The following CDHR3 variants were observed in gnomAD, a reference collection of about 807,000 sequenced individuals.
The protein encoded by CDHR3 is cadherin-related family member 3.
Under a neutral mutation model 86.6 loss-of-function variants are expected in CDHR3, and 79 were observed. The observed-to-expected ratio is 0.91, with a 90% CI of 0.76 to 1.10. The LOEUF (loss-of-function observed/expected upper bound fraction) is 1.10. Among genes scored for constraint, CDHR3 ranks in the 50% least tolerant of loss-of-function variants. The pLI is 0.00. For synonymous variants in CDHR3, 421 were observed against 402.4 expected, an observed-to-expected ratio of 1.05 and a Z score of -0.55; for missense variants, 1,081 against 1,077.6, an observed-to-expected ratio of 1.00 and a Z score of -0.04.
At chr7:105,975,904 A>T (rs1828730357) in intron 2 of CDHR3, among the ~76,000 whole-genome samples, 1 of 152,142 alleles carries the variant, frequency 6.6e-6, no homozygotes. Flanking sequence ...TCTTAAACTC[A>T]GCTTATCATT....
At chr7:105,977,672 G>C (rs568525604) in intron 2 of CDHR3, among the ~76,000 whole-genome samples, 4 of 152,314 alleles carry the variant, frequency 2.6e-5, no homozygotes, top group African/African-American at 9.6e-5. Context: ...TTGCTCACAA[G>C]AGTTACTCCT....
At position 106,030,468 on chromosome 7, in the gene CDHR3, T is replaced by A. The variant is rs898008443; in HGVS notation, c.2305-324T>A. On this transcript the variant is annotated intron_variant, in intron 17 of 18. Transcript: ENST00000317716. This position sits in a 1 kb window ranked among gnomAD's most constrained non-coding sequence, Gnocchi z 4.8. Reference sequence around the variant, plus strand: ...TCTTCCTTCTACGCTCAGATTTTATTTACTCAGGATGCTTCCTTAACCCCC... The same window carrying A: ...TCTTCCTTCTACGCTCAGATTTTATATACTCAGGATGCTTCCTTAACCCCC... Among the ~76,000 whole-genome samples, 3 of 152,198 alleles carry A rather than the reference T, an allele frequency of 2.0e-5. 1 individual carries two copies. In the South Asian group the frequency reaches 6.2e-4, roughly 31 times the overall value.
intron 1 of CDHR3, among the ~76,000 whole-genome samples, 196 bp from the exon 2 acceptor site, chr7:105,974,648 G>T (rs1186788631): frequency 6.6e-6 from 1 of 152,098 alleles, no homozygotes; most frequent in Admixed American, 6.5e-5. Context: ...TTGTTTGGTG[G>T]TGGTTGTTTT....
chr7:105,977,296 C>T (rs892487042), intron 2 of CDHR3, among the ~76,000 whole-genome samples: 1 of 152,198 alleles, frequency 6.6e-6, no homozygotes, highest in Non-Finnish European at 1.5e-5. Flanking sequence ...TGTCATATTG[C>T]CATGTATGTC....
In CDHR3 at chr7:106,032,833, T is replaced by A; in HGVS notation, c.*136T>A. 1 of 825,404 alleles carries A rather than the reference T, an allele frequency of 1.2e-6. No individual in the cohort carries two copies. The highest frequency in any genetic ancestry group is 1.8e-6 in the Non-Finnish European group (1 of 541,790). 51.1% of individuals were successfully genotyped at this position (825,404 alleles called of 1,614,324 possible). A position where few individuals can be genotyped will look rare whatever the true frequency, so the allele number is the denominator to read the frequency against. On this transcript the variant is annotated 3_prime_UTR_variant, in exon 19 of 19. Transcript: ENST00000317716. ...GACATCCAGGGTCAAACATGGGATG[T>A]TTGACAAATTTTTAAACAAATAGAA... is the stretch of plus-strand genomic sequence containing the variant.
At chr7:105,993,677 C>CAAAAAAAAA (rs55787798) in intron 4 of CDHR3, among the ~76,000 whole-genome samples, 2 of 91,756 alleles carry the variant, frequency 2.2e-5, no homozygotes, top group Non-Finnish European at 4.0e-5. Context: ...CTCTGTCTCA[C>CAAAAAAAAA]AAAAAAAAAA....
chr7:105,974,014 G>A (rs1227641034), intron 1 of CDHR3, among the ~76,000 whole-genome samples: 1 of 152,150 alleles, frequency 6.6e-6, no homozygotes, highest in African/African-American at 2.4e-5. Context: ...ATCTTTTGGG[G>A]ACACTGTTCA....
At chr7:105,994,697 G>A (rs1392487992) in intron 4 of CDHR3, 54 bp from the exon 5 acceptor site, 1 of 1,184,850 alleles carries the variant, frequency 8.4e-7, no homozygotes, top group Non-Finnish European at 1.2e-6. Flanking sequence ...ACATCTTCTG[G>A]GGAAGGGTGG....
chr7:106,015,667 C>T (rs139804606), intron 10 of CDHR3, among the ~76,000 whole-genome samples: 136 of 152,300 alleles, frequency 8.9e-4, no homozygotes, highest in African/African-American at 3.2e-3. Flanking sequence ...CCCCATTTGT[C>T]TAATTCTATC....
Position 106,024,437 on chromosome 7 carries a change from C to T in CDHR3, c.2133C>T (p.Tyr711=), listed in dbSNP as rs751846630. The change falls in exon 15 of 19, where the codon TAC becomes TAT. Residue 711 remains tyrosine, a synonymous_variant. Transcript: ENST00000317716. Reference sequence around the variant, plus strand: ...ACGTTTACTCTCCATCTGCATGGTACGTGCCGTTTGTCATCACTTTGGGCT... The same window carrying T: ...ACGTTTACTCTCCATCTGCATGGTATGTGCCGTTTGTCATCACTTTGGGCT... The part of the protein sequence containing the change: ...RKNVYSPSAW[Y]VPFVITLGSI... 28 of 1,614,026 alleles carry T rather than the reference C, an allele frequency of 1.7e-5. No homozygotes were observed. Among genetic ancestry groups the T allele is most frequent in the African/African-American group, 2.7e-5 (2 of 75,044 alleles).
At chr7:106,012,114 G>T (rs1317504478) in intron 8 of CDHR3, among the ~76,000 whole-genome samples, 4 of 152,074 alleles carry the variant, frequency 2.6e-5, no homozygotes, top group Non-Finnish European at 1.5e-5. Flanking sequence ...TAAGTCTATT[G>T]TTCATTCATT....
At chr7:106,008,568 A>G (rs1300684397) in intron 8 of CDHR3, among the ~76,000 whole-genome samples, 1 of 152,056 alleles carries the variant, frequency 6.6e-6, no homozygotes, top group African/African-American at 2.4e-5. Flanking sequence ...GTCAGTCACA[A>G]TCTTAAGCAT....
intron 2 of CDHR3, 106 bp downstream of exon 2, chr7:105,975,152 T>A (rs1055954626): frequency 3.0e-6 from 3 of 995,282 alleles, no homozygotes; most frequent in Admixed American, 3.5e-5. Context: ...TCTGGTTTAA[T>A]CTTCCCTCTT....
At chr7:105,969,189 G>A (rs1304831786) in intron 1 of CDHR3, among the ~76,000 whole-genome samples, 1 of 149,318 alleles carries the variant, frequency 6.7e-6, no homozygotes, top group East Asian at 2.0e-4. Flanking sequence ...GAGGTCAGGA[G>A]ATCGAGACCA....
chr7:105,998,514 G>A (rs972556400), intron 6 of CDHR3, among the ~76,000 whole-genome samples: 2 of 152,036 alleles, frequency 1.3e-5, no homozygotes, highest in African/African-American at 2.4e-5. Context: ...CTGACACACC[G>A]GGTGCAGTGG....
At chr7:105,984,917 G>T (rs1457094217) in intron 4 of CDHR3, among the ~76,000 whole-genome samples, 1 of 152,074 alleles carries the variant, frequency 6.6e-6, no homozygotes, top group East Asian at 1.9e-4. Flanking sequence ...AAATTAGCTG[G>T]GCATGATGGT....
intron 8 of CDHR3, 108 bp from the exon 9 acceptor site, chr7:106,012,752 T>G (rs1314303754): frequency 8.3e-7 from 1 of 1,207,270 alleles, no homozygotes; most frequent in African/African-American, 1.5e-5. Context: ...ACCATGGACT[T>G]ACTTTGAATT....
intron 8 of CDHR3, among the ~76,000 whole-genome samples, chr7:106,005,155 A>G (rs575174155): frequency 1.3e-5 from 2 of 152,342 alleles, no homozygotes; most frequent in Non-Finnish European, 2.9e-5. Flanking sequence ...CAAACCAAGT[A>G]CTTAGGTAAA....
chr7:106,028,932 CTTT>C (rs1837838034), intron 17 of CDHR3, among the ~76,000 whole-genome samples: 2 of 116,054 alleles, frequency 1.7e-5, no homozygotes, highest in Non-Finnish European at 1.8e-5. Flanking sequence ...TTCTTTCTTT[CTTT>C]CTTTCTTTCT....
Sources: gnomAD v4.1 joint callset for allele counts (sites outside exome capture counted in the v4.1 genomes callset) on GRCh38, gnomAD v4.1.1 for gene constraint, Gnocchi (gnomAD v3.1) non-coding constraint, MANE v1.5 for transcripts, NCBI Gene and HGNC (gene_info 2026-07-23, HGNC 2026-07-21) for gene names.